Variants in DNM2 observed in about 807,000 individuals in gnomAD.
The protein encoded by DNM2 is dynamin 2.
Under a neutral mutation model 99.0 loss-of-function variants are expected in DNM2, and 15 were observed. The observed-to-expected ratio is 0.15, with a 90% CI of 0.10 to 0.23. DNM2 has a LOEUF of 0.23. Ranked by LOEUF, DNM2 falls within the 10% of genes least tolerant of loss-of-function variation. The pLI is 1.00. For synonymous variants in DNM2, 525 were observed against 481.2 expected, an observed-to-expected ratio of 1.09 and a Z score of -1.19; for missense variants, 742 against 1,189.4, an observed-to-expected ratio of 0.62 and a Z score of 5.53.
In DNM2 at chr19:10,820,084, G is replaced by A; in HGVS notation, c.1776G>A (p.Glu592=). ...ACGTCTTCGCCATCTTCAACACGGA[G>A]CAGAGGTGAGGGGCCCAGGGGCCTG... ...NKHVFAIFNT[E]QRNVYKDLRQ... The change falls in exon 16 of 21, where the codon GAG becomes GAA. Residue 592 remains glutamate (E), a synonymous_variant. Transcript: ENST00000389253. The surrounding 1 kb of genome is among the most constrained non-coding windows in gnomAD (Gnocchi z 4.3). 6.2e-7 allele frequency: 1 copy of A among 1,614,166 alleles called. No homozygotes were observed. The highest frequency in any genetic ancestry group is 2.2e-5 in the East Asian group (1 of 44,886).
intron 1 of DNM2, among the ~76,000 whole-genome samples, chr19:10,727,461 G>T (rs773876768): frequency 3.9e-5 from 6 of 151,970 alleles, no homozygotes; most frequent in African/African-American, 1.2e-4. Context: ...AACTTCCTGG[G>T]CTCAAGGGAT....
intron 2 of DNM2, among the ~76,000 whole-genome samples, chr19:10,771,318 A>G (rs62131786): frequency 0.03 from 4,566 of 152,216 alleles, 107 homozygotes; most frequent in Non-Finnish European, 0.048. Context: ...TCCTGGTGGG[A>G]CCCACACTGC....
At chr19:10,782,541 G>A (rs1911014004) in intron 5 of DNM2, among the ~76,000 whole-genome samples, 1 of 151,610 alleles carries the variant, frequency 6.6e-6, no homozygotes, top group African/African-American at 2.4e-5. Flanking sequence ...TGTATTTTTA[G>A]TAGAGGCGGG....
At chr19:10,725,018 A>G (rs2069066738) in intron 1 of DNM2, among the ~76,000 whole-genome samples, 1 of 152,232 alleles carries the variant, frequency 6.6e-6, no homozygotes. Flanking sequence ...TGTCCCTGAC[A>G]GATGGAGGGG....
At chr19:10,746,124 A>C (rs988507928) in intron 1 of DNM2, among the ~76,000 whole-genome samples, 1 of 151,694 alleles carries the variant, frequency 6.6e-6, no homozygotes, top group Non-Finnish European at 1.5e-5. Context: ...ACACCCCACT[A>C]ATTTTTCTGT....
chr19:10,782,177 C>T (rs867273962), intron 5 of DNM2, among the ~76,000 whole-genome samples: 1 of 151,970 alleles, frequency 6.6e-6, no homozygotes, highest in Non-Finnish European at 1.5e-5. Flanking sequence ...GGACTATACA[C>T]GTGTGCTACC....
intron 1 of DNM2, chr19:10,755,222 T>C (rs2070340234): frequency 1.3e-5 from 2 of 152,202 alleles, no homozygotes; most frequent in South Asian, 4.1e-4. Flanking sequence ...ATCAGTGCAA[T>C]GGACAGATTC....
chr19:10,811,707 A>G lies in DNM2; in HGVS notation c.1558-557A>G. 1.9e-6 allele frequency: 1 copy of G among 518,302 alleles called. No individual in the cohort carries two copies. Among genetic ancestry groups the G allele is most frequent in the South Asian group, 1.4e-5 (1 of 71,420 alleles). The allele number at this position is 518,302 out of a possible 1,614,324, so 32.1% of individuals were successfully genotyped here. ...CAGGCCTGGGTTCTGACCCCCACGC[A>G]GATGACAGCTACAGCCACACAATCC... On this transcript the variant is annotated intron_variant, in intron 14 of 20. Transcript: ENST00000389253. The surrounding 1 kb of genome is among the most constrained non-coding windows in gnomAD (Gnocchi z 5.4).
intron 1 of DNM2, among the ~76,000 whole-genome samples, chr19:10,758,245 TCTTCCTTCCCTC>T (rs1185971952): frequency 4.4e-4 from 63 of 144,230 alleles, no homozygotes; most frequent in African/African-American, 1.1e-3. Context: ...TTGATTCCTT[TCTTCCTTCCCTC>T]CTTCCTTCCC....
chr19:10,796,045 G>C lies in DNM2; in HGVS notation c.1196+606G>C, dbSNP rs1166607845. 3 of 1,612,858 alleles carry C rather than the reference G, an allele frequency of 1.9e-6. No homozygotes were observed. The highest frequency in any genetic ancestry group is 2.5e-6 in the Non-Finnish European group (3 of 1,179,990). On this transcript the variant is annotated intron_variant, in intron 9 of 20. Transcript: ENST00000389253. This position sits in a 1 kb window ranked among gnomAD's most constrained non-coding sequence, Gnocchi z 5.6. ...TCTGACTTATCTCCCCTGCCCCCGGGTCTGGACGGTTTCAGGACCGGGCTT... is the reference window on the plus strand; with the variant it reads ...TCTGACTTATCTCCCCTGCCCCCGGCTCTGGACGGTTTCAGGACCGGGCTT...
chr19:10,816,354 G>A lies in DNM2; in HGVS notation c.1672-3626G>A, dbSNP rs976932960. 3.3e-5 allele frequency among the ~76,000 whole-genome samples: 5 copies of A among 152,190 alleles called. No individual in the cohort carries two copies. Among genetic ancestry groups the A allele is most frequent in the Middle Eastern group, 3.4e-3 (1 of 294 alleles). ...TGAGGCTTCTGCGGGACTCTGGGGC[G>A]CTGTTTCTAAACCCAGGGTGGTGGA... On this transcript the variant is annotated intron_variant, in intron 15 of 20. Coordinates refer to ENST00000389253, the MANE Select transcript of DNM2 (RefSeq NM_001005361.3). The surrounding 1 kb of genome is among the most constrained non-coding windows in gnomAD (Gnocchi z 4.6).
Position 10,829,205 on chromosome 19 carries a change from C to T in DNM2, c.2228C>T (p.Thr743Ile). Reference sequence around the variant, plus strand: ...ATCATCGGTGACATCAGCACCAGCACTGTGTCCACGCCTGTACCCCCGCCT... The same window carrying T: ...ATCATCGGTGACATCAGCACCAGCATTGTGTCCACGCCTGTACCCCCGCCT... ...LNIIGDISTS[T>I]VSTPVPPPVD... Residue 743 changes from threonine to isoleucine, a missense_variant, in exon 19 of 21, where the codon ACT becomes ATT. Physicochemically the swap from Thr to Ile is moderately conservative, Grantham distance 89. Coordinates refer to ENST00000389253, the MANE Select transcript of DNM2 (RefSeq NM_001005361.3). The T allele has an allele frequency of 6.2e-7, 1 of 1,614,036 alleles. No individual in the cohort carries two copies. The highest frequency in any genetic ancestry group is 8.5e-7 in the Non-Finnish European group (1 of 1,180,040).
intron 2 of DNM2, among the ~76,000 whole-genome samples, chr19:10,761,121 T>C (rs1348843103): frequency 2.0e-5 from 3 of 152,080 alleles, no homozygotes; most frequent in African/African-American, 7.2e-5. Flanking sequence ...CCTGAGTTGC[T>C]GGGACTACAG....
At chr19:10,761,843 C>T (rs1801988453) in intron 2 of DNM2, among the ~76,000 whole-genome samples, 1 of 152,170 alleles carries the variant, frequency 6.6e-6, no homozygotes, top group Non-Finnish European at 1.5e-5. Flanking sequence ...GCCGATGGGC[C>T]CACCACCTCT....
intron 8 of DNM2, among the ~76,000 whole-genome samples, chr19:10,794,141 GAGA>G (rs1274166104): frequency 6.6e-6 from 1 of 152,172 alleles, no homozygotes; most frequent in South Asian, 2.1e-4. Flanking sequence ...AAATTTACAT[GAGA>G]AGATGTCCCT....
intron 1 of DNM2, among the ~76,000 whole-genome samples, chr19:10,751,179 C>T (rs566279100): frequency 3.3e-5 from 5 of 152,102 alleles, no homozygotes; most frequent in African/African-American, 1.2e-4. Flanking sequence ...GAGGAAATGT[C>T]ATTCGAGCGG....
In DNM2 at chr19:10,765,137, C is replaced by T. The variant is rs935328730; in HGVS notation, c.235+5326C>T. Among the ~76,000 whole-genome samples the T allele has an allele frequency of 2.6e-5, 4 of 151,592 alleles. No homozygotes were observed. Among genetic ancestry groups the T allele is most frequent in the African/African-American group, 9.7e-5 (4 of 41,278 alleles). On this transcript the variant is annotated intron_variant, in intron 2 of 20. Transcript: ENST00000389253. This position sits in a 1 kb window ranked among gnomAD's most constrained non-coding sequence, Gnocchi z 4.4. ...CTCGCCCGGCTAATTTTTTTGTATGCTTAGTAGAGACGGGGTTTCACCGTG... is the reference window on the plus strand; with the variant it reads ...CTCGCCCGGCTAATTTTTTTGTATGTTTAGTAGAGACGGGGTTTCACCGTG...
intron 1 of DNM2, among the ~76,000 whole-genome samples, chr19:10,758,744 G>A (rs1250088072): frequency 4.6e-5 from 7 of 151,284 alleles, no homozygotes; most frequent in East Asian, 2.0e-4. Flanking sequence ...ACGGGGTTTC[G>A]CCATGTTGGC....
intron 1 of DNM2, among the ~76,000 whole-genome samples, chr19:10,737,038 C>T (rs2069554636): frequency 1.3e-5 from 2 of 152,120 alleles, no homozygotes; most frequent in Admixed American, 6.6e-5. Flanking sequence ...GTCCCAGCTA[C>T]TCAGGAGGCT....
Sources: gnomAD v4.1 joint callset for allele counts (sites outside exome capture counted in the v4.1 genomes callset) on GRCh38, gnomAD v4.1.1 for gene constraint, Gnocchi (gnomAD v3.1) non-coding constraint, MANE v1.5 for transcripts, NCBI Gene and HGNC (gene_info 2026-07-23, HGNC 2026-07-21) for gene names.